The following PGC variants were observed in gnomAD, a reference collection of about 807,000 sequenced individuals.
The protein encoded by PGC is gastricsin.
Under a neutral mutation model 45.9 loss-of-function variants are expected in PGC, and 31 were observed. The ratio of observed to expected loss-of-function variants is 0.67; its 90% CI spans 0.51 to 0.91. The LOEUF (loss-of-function observed/expected upper bound fraction) is 0.91, where lower values mean the gene tolerates loss of function less well. Among genes scored for constraint, PGC ranks in the 40% least tolerant of loss-of-function variants. PGC has a pLI of 0.00. For missense variants in PGC, 477 were observed against 493.2 expected (o/e 0.97, Z 0.31); for synonymous variants, 192 against 201.8 (o/e 0.95, Z 0.41).
rs181126248 is a variant in PGC at position 41,746,736 on chromosome 6, A to G, written c.59+540T>C. On this transcript the variant is annotated intron_variant, in intron 1 of 8. Coordinates refer to ENST00000373025, the MANE Select transcript of PGC (RefSeq NM_002630.4). ...TCAGGAAGTACTCTTGGGTAGAGAA[A>G]TAACAGGCAGGATGGCAGGCTGGGC... is the stretch of plus-strand genomic sequence containing the variant. Among the ~76,000 whole-genome samples the G allele has an allele frequency of 3.6e-3, 542 of 152,356 alleles. 2 individuals are homozygous for G. The highest frequency in any genetic ancestry group is 6.2e-3 in the Non-Finnish European group (421 of 68,038).
At position 41,747,373 on chromosome 6, in the gene PGC, C is replaced by T. The variant is rs374092252; in HGVS notation, c.-39G>A. ...AACTGGCCACAGAGGAAGAGCAGCTCTGAGTTCTGCAGTCGCAGTGGAGTG... is the reference window on the plus strand; with the variant it reads ...AACTGGCCACAGAGGAAGAGCAGCTTTGAGTTCTGCAGTCGCAGTGGAGTG... On this transcript the variant is annotated 5_prime_UTR_variant, in exon 1 of 9. Coordinates refer to ENST00000373025, the MANE Select transcript of PGC (RefSeq NM_002630.4). The T allele has an allele frequency of 2.3e-4, 366 of 1,573,636 alleles. 1 individual carries two copies. The highest frequency in any genetic ancestry group is 1.7e-3 in the South Asian group (151 of 90,238).
chr6:41,743,535 G>A, intron 3 of PGC, 146 bp from the exon 4 acceptor site: 1 of 669,196 alleles, frequency 1.5e-6, no homozygotes. Context: ...AAGTCAAGGG[G>A]TGGCATTGGA....
chr6:41,741,101 G>T (rs763931738), intron 5 of PGC: 1 of 1,536,956 alleles, frequency 6.5e-7, no homozygotes, highest in Non-Finnish European at 8.7e-7. Context: ...TCCCCACCCC[G>T]GCCCAGCTTG....
chr6:41,745,489 A>T (rs548462068), intron 1 of PGC, among the ~76,000 whole-genome samples: 3 of 150,032 alleles, frequency 2.0e-5, no homozygotes, highest in Non-Finnish European at 4.4e-5. Context: ...TCGCCTGCCT[A>T]GGCCTCCCAA....
intron 1 of PGC, among the ~76,000 whole-genome samples, chr6:41,745,545 T>G: frequency 7.0e-6 from 1 of 142,570 alleles, no homozygotes; most frequent in East Asian, 2.0e-4. Context: ...GCCCAGGATA[T>G]GTAGTTTTTT....
At chr6:41,740,467 C>A in intron 6 of PGC, 24 bp downstream of exon 6, 1 of 1,593,324 alleles carries the variant, frequency 6.3e-7, no homozygotes, top group South Asian at 1.1e-5. Flanking sequence ...GTGCCACATC[C>A]CCAGGGCCCC....
chr6:41,744,278 G>A lies in PGC; in HGVS notation c.328+119C>T. ...CTGTGTGGCCCTGCACATGTCCCTG[G>A]TCCTCCCCAGGACTGAGCTCCCCTC... is the stretch of plus-strand genomic sequence containing the variant. On this transcript the variant is annotated intron_variant, in intron 3 of 8. Coordinates refer to ENST00000373025, the MANE Select transcript of PGC (RefSeq NM_002630.4). The surrounding 1 kb of genome is among the most constrained non-coding windows in gnomAD (Gnocchi z 4.4). 1 of 658,034 alleles carries A rather than the reference G, an allele frequency of 1.5e-6. No homozygotes were observed. Among genetic ancestry groups the A allele is most frequent in the Non-Finnish European group, 2.7e-6 (1 of 372,306 alleles). The allele number at this position is 658,034 out of a possible 1,614,324, so 40.8% of individuals were successfully genotyped here. A position where few individuals can be genotyped will look rare whatever the true frequency, so the allele number is the denominator to read the frequency against.
At chr6:41,738,534 G>A (rs1049763953) in intron 7 of PGC, among the ~76,000 whole-genome samples, 1 of 151,460 alleles carries the variant, frequency 6.6e-6, no homozygotes, top group Non-Finnish European at 1.5e-5. Context: ...AGGCTGAGGT[G>A]GGAGGATTGC....
intron 8 of PGC, 48 bp from the exon 9 acceptor site, chr6:41,737,052 C>G (rs1251971940): frequency 6.4e-7 from 1 of 1,556,626 alleles, no homozygotes; most frequent in East Asian, 2.3e-5. Flanking sequence ...CACACATGAG[C>G]TGGGCCCTGC....
In PGC at chr6:41,740,521, T is replaced by G; in HGVS notation, c.737A>C (p.Gln246Pro). The G allele has an allele frequency of 6.2e-7, 1 of 1,610,644 alleles. No individual in the cohort carries two copies. Among genetic ancestry groups the G allele is most frequent in the Non-Finnish European group, 8.5e-7 (1 of 1,178,370 alleles). ...AATGCCAATCTGCCAGTAGAGTTCC[T>G]GGGTGACAGGCGCCCAGTAGATCTG... is the stretch of plus-strand genomic sequence containing the variant. Reference protein sequence around the residue: ...TGQIYWAPVTQELYWQIGIEE... With the variant: ...TGQIYWAPVTPELYWQIGIEE... The change falls in exon 6 of 9, where the codon CAG (glutamine) becomes CCG (proline). Residue 246 changes from glutamine (Q) to proline (P), a missense_variant. Transcript: ENST00000373025.
Position 41,744,997 on chromosome 6 carries a change from G to A in PGC, c.60-189C>T, listed in dbSNP as rs77062301. ...TCTGTCTCTGTCTGTCTGTCTCTCT[G>A]TGTGTGTGTGTGTGTGTGCGCGCGC... On this transcript the variant is annotated intron_variant, in intron 1 of 8. Transcript: ENST00000373025. This position sits in a 1 kb window ranked among gnomAD's most constrained non-coding sequence, Gnocchi z 4.4. 1.2e-5 allele frequency among the ~76,000 whole-genome samples: 1 copy of A among 81,268 alleles called. No homozygotes were observed. Among genetic ancestry groups the A allele is most frequent in the Admixed American group, 1.1e-4 (1 of 8,754 alleles). The allele number at this position is 81,268 out of a possible 152,430, so 53.3% of individuals were successfully genotyped here.
rs7743526 is a variant in PGC at position 41,745,547 on chromosome 6, T to C, written c.60-739A>G. 5.1e-3 allele frequency among the ~76,000 whole-genome samples: 644 copies of C among 126,690 alleles called. 6 individuals carry two copies. Among genetic ancestry groups the C allele is most frequent in the African/African-American group, 0.024 (612 of 25,724 alleles). The allele number at this position is 126,690 out of a possible 152,430, so 83.1% of individuals were successfully genotyped here. A position where few individuals can be genotyped will look rare whatever the true frequency, so the allele number is the denominator to read the frequency against. ...GCCACCGCACCTGGCCCAGGATATG[T>C]AGTTTTTTTTTTTTTTTTTGAGACA... On this transcript the variant is annotated intron_variant, in intron 1 of 8. Coordinates refer to ENST00000373025, the MANE Select transcript of PGC (RefSeq NM_002630.4).
rs1459157261 is a variant in PGC at position 41,744,411 on chromosome 6, T to C, written c.314A>G (p.Gln105Arg). 7 of 1,610,946 alleles carry C rather than the reference T, an allele frequency of 4.3e-6. No homozygotes were observed. Among genetic ancestry groups the C allele is most frequent in the East Asian group, 4.5e-5 (2 of 44,856 alleles). The change falls in exon 3 of 9, where the codon CAG (glutamine) becomes CGG (arginine). Residue 105 changes from glutamine (Q) to arginine (R), a missense_variant. Transcript: ENST00000373025. The surrounding 1 kb of genome is among the most constrained non-coding windows in gnomAD (Gnocchi z 4.4). ...SNLWVPSVYC[Q>R]SQACTSHSRF... Reference sequence around the variant, plus strand: ...CCAGCACTCACTGCAGGCCTGGCTCTGGCAGTAGACAGAGGGCACCCACAA... The same window carrying C: ...CCAGCACTCACTGCAGGCCTGGCTCCGGCAGTAGACAGAGGGCACCCACAA...
At chr6:41,742,236 A>C in intron 5 of PGC, 54 bp downstream of exon 5, 1 of 1,522,414 alleles carries the variant, frequency 6.6e-7, no homozygotes, top group Non-Finnish European at 9.1e-7. Flanking sequence ...TCAGTCGTCC[A>C]GGGCGGCCGG....
chr6:41,738,167 CATATATATATACAT>C (rs1312409812), intron 7 of PGC, among the ~76,000 whole-genome samples: 3 of 27,990 alleles, frequency 1.1e-4, no homozygotes, highest in Non-Finnish European at 2.7e-4. Flanking sequence ...CATATATATG[CATATATATATACAT>C]ATATATATGC....
At chr6:41,741,620 C>T (rs557340099) in intron 5 of PGC, among the ~76,000 whole-genome samples, 3 of 152,042 alleles carry the variant, frequency 2.0e-5, no homozygotes, top group Non-Finnish European at 4.4e-5. Context: ...CACTCCAGAC[C>T]GGGTGACAGA....
At chr6:41,738,229 T>TATATATACAC in intron 7 of PGC, among the ~76,000 whole-genome samples, 1 of 12,688 alleles carries the variant, frequency 7.9e-5, no homozygotes, top group Non-Finnish European at 2.0e-4. Context: ...TATATATGCA[T>TATATATACAC]ATATATATGT....
chr6:41,747,191 G>T, intron 1 of PGC, 85 bp downstream of exon 1: 1 of 1,112,858 alleles, frequency 9.0e-7, no homozygotes, highest in Non-Finnish European at 1.4e-6. Flanking sequence ...GAGACAGGCA[G>T]GGTGTCCCCT....
chr6:41,737,135 T>C lies in PGC; in HGVS notation c.1015-131A>G, dbSNP rs994101322. On this transcript the variant is annotated intron_variant, in intron 8 of 8. Transcript: ENST00000373025. ...CCAGGGTCTCTGCCTTGAGGGCTCA[T>C]AGGCCAACTGAGCCACCAGAGCAGA... The C allele has an allele frequency of 1.1e-4, 92 of 845,426 alleles. No individual in the cohort carries two copies. In the African/African-American group the frequency reaches 1.5e-3, roughly 13 times the overall value. 52.4% of individuals were successfully genotyped at this position (845,426 alleles called of 1,614,324 possible).
Sources: gnomAD v4.1 joint callset for allele counts (sites outside exome capture counted in the v4.1 genomes callset) on GRCh38, gnomAD v4.1.1 for gene constraint, Gnocchi (gnomAD v3.1) non-coding constraint, MANE v1.5 for transcripts, NCBI Gene and HGNC (gene_info 2026-07-23, HGNC 2026-07-21) for gene names.